Variants in ATXN2 observed in about 807,000 individuals in gnomAD.
The protein encoded by ATXN2 is ataxin 2.
In ATXN2, 37 loss-of-function variants were observed where a neutral mutation model predicts 138.6. The ratio of observed to expected loss-of-function variants is 0.27; its 90% CI spans 0.21 to 0.35. The LOEUF (loss-of-function observed/expected upper bound fraction) is 0.35, where lower values mean the gene tolerates loss of function less well. Ranked by LOEUF, ATXN2 falls within the 10% of genes least tolerant of loss-of-function variation. The probability of loss-of-function intolerance (pLI) is 1.00; values close to 1 mark genes in which losing one functional copy is unlikely to be tolerated. For missense variants in ATXN2, 1,216 were observed against 1,480.3 expected (o/e 0.82, Z 2.93); for synonymous variants, 549 against 543.7 (o/e 1.01, Z -0.13).
intron 1 of ATXN2, among the ~76,000 whole-genome samples, chr12:111,580,897 G>A (rs1883960067): frequency 6.6e-6 from 1 of 152,108 alleles, no homozygotes. Flanking sequence ...TCCCAGCACT[G>A]GGAGGCCGAG....
At chr12:111,462,953 TACAC>T (rs1489574519) in intron 21 of ATXN2, among the ~76,000 whole-genome samples, 1 of 140,248 alleles carries the variant, frequency 7.1e-6, no homozygotes, top group Non-Finnish European at 1.5e-5. Context: ...AAATTATATA[TACAC>T]ACATACATAT....
At chr12:111,498,017 AAAAC>A (rs1245311782) in intron 14 of ATXN2, among the ~76,000 whole-genome samples, 7 of 152,166 alleles carry the variant, frequency 4.6e-5, no homozygotes, top group Middle Eastern at 3.2e-3. Context: ...CTCCATCTCA[AAAAC>A]AAACAAACAA....
Position 111,473,526 on chromosome 12 carries a change from A to T in ATXN2, c.2525-2784T>A, listed in dbSNP as rs373328203. On this transcript the variant is annotated intron_variant, in intron 18 of 24. Transcript: ENST00000673436. ...GAAATATTCCAGGCAATAATTGAAG[A>T]AGGGATGAAAGGAAAAGAATGTCAC... Among the ~76,000 whole-genome samples the T allele has an allele frequency of 4.6e-5, 7 of 152,296 alleles. No homozygotes were observed. In the East Asian group the frequency reaches 1.2e-3, roughly 25 times the overall value.
intron 3 of ATXN2, among the ~76,000 whole-genome samples, chr12:111,553,272 T>C (rs1241506508): frequency 6.6e-6 from 1 of 152,120 alleles, no homozygotes; most frequent in East Asian, 1.9e-4. Flanking sequence ...TAACATTATT[T>C]TACACACACA....
chr12:111,507,158 C>G (rs1879185881), intron 14 of ATXN2, among the ~76,000 whole-genome samples: 1 of 151,268 alleles, frequency 6.6e-6, no homozygotes, highest in African/African-American at 2.4e-5. Flanking sequence ...CTCTGCCCGG[C>G]TGCCCAGTCT....
chr12:111,501,386 C>A (rs1878750259), intron 14 of ATXN2, among the ~76,000 whole-genome samples: 2 of 152,164 alleles, frequency 1.3e-5, no homozygotes. Context: ...ACCTAAGCCA[C>A]AGGTTAGGAC....
intron 18 of ATXN2, among the ~76,000 whole-genome samples, chr12:111,481,661 ATTTTATT>A (rs1566016430): frequency 2.0e-5 from 3 of 151,780 alleles, no homozygotes; most frequent in Admixed American, 6.6e-5. Flanking sequence ...ATGAAAAAAA[ATTTTATT>A]TTTTATTTTT....
chr12:111,545,991 GGAA>G (rs1881781629), intron 5 of ATXN2, among the ~76,000 whole-genome samples: 1 of 151,316 alleles, frequency 6.6e-6, no homozygotes, highest in African/African-American at 2.4e-5. Context: ...ATGGCACGGA[GGAA>G]GAAGATAAAT....
chr12:111,503,957 TA>T (rs1383276526), intron 14 of ATXN2, among the ~76,000 whole-genome samples: 5 of 152,178 alleles, frequency 3.3e-5, no homozygotes, highest in African/African-American at 1.2e-4. Context: ...GAGTTATTAG[TA>T]AGAGGCTAAA....
At chr12:111,569,942 C>T (rs1447921406) in intron 1 of ATXN2, among the ~76,000 whole-genome samples, 1 of 152,110 alleles carries the variant, frequency 6.6e-6, no homozygotes, top group East Asian at 1.9e-4. Context: ...TGAAGATGTC[C>T]TATGTCATGC....
intron 1 of ATXN2, among the ~76,000 whole-genome samples, chr12:111,587,140 T>C (rs1884392006): frequency 6.6e-6 from 1 of 151,264 alleles, no homozygotes; most frequent in Non-Finnish European, 1.5e-5. Context: ...AAAAGACATT[T>C]AGTCTTCAAT....
intron 18 of ATXN2, among the ~76,000 whole-genome samples, chr12:111,475,188 T>C (rs1876708789): frequency 1.3e-5 from 2 of 150,938 alleles, no homozygotes; most frequent in South Asian, 4.2e-4. Context: ...CACTCCAGCC[T>C]GGGCAACAGA....
Position 111,485,730 on chromosome 12 carries a change from C to T in ATXN2, c.2440G>A (p.Val814Met). The change falls in exon 17 of 25, where the codon GTG becomes ATG. Residue 814 changes from valine to methionine, a missense_variant. Coordinates refer to ENST00000673436, the MANE Select transcript of ATXN2 (RefSeq NM_001372574.1). Reference sequence around the variant, plus strand: ...TGACTTACTTGCACGCCTGGGCTCACTGGGACTGGATACATCATATTTGGT... The same window carrying T: ...TGACTTACTTGCACGCCTGGGCTCATTGGGACTGGATACATCATATTTGGT... ...FAPNMMYPVP[V>M]SPGVQPLYPI... The T allele has an allele frequency of 6.2e-7, 1 of 1,614,040 alleles. No homozygotes were observed. The highest frequency in any genetic ancestry group is 2.2e-5 in the East Asian group (1 of 44,880).
chr12:111,565,071 G>A (rs2135803937), intron 1 of ATXN2, among the ~76,000 whole-genome samples: 1 of 152,078 alleles, frequency 6.6e-6, no homozygotes. Context: ...TTATTTTCAT[G>A]AAGTTTTATG....
At chr12:111,454,548 C>T (rs1049659965) in intron 23 of ATXN2, 2 of 157,924 alleles carry the variant, frequency 1.3e-5, no homozygotes, top group African/African-American at 4.8e-5. Flanking sequence ...CAAGTTCAAC[C>T]TGGTCTCACT....
intron 2 of ATXN2, 24 bp downstream of exon 2, chr12:111,555,859 A>G (rs1430640315): frequency 6.3e-7 from 1 of 1,578,194 alleles, no homozygotes; most frequent in Non-Finnish European, 8.6e-7. Context: ...ATTTTCCCCA[A>G]TAAGTAACAT....
intron 22 of ATXN2, among the ~76,000 whole-genome samples, chr12:111,456,995 G>C (rs539128728): frequency 3.9e-5 from 6 of 152,058 alleles, no homozygotes; most frequent in Admixed American, 3.9e-4. Context: ...TGATCCACCC[G>C]CCTCGGCCTC....
chr12:111,455,162 A>G (rs1287172319), intron 23 of ATXN2: 5 of 702,214 alleles, frequency 7.1e-6, no homozygotes, highest in Non-Finnish European at 1.3e-5. Context: ...GGTCTCACTT[A>G]GACCCGCCTC....
At chr12:111,475,555 T>G (rs1460352031) in intron 18 of ATXN2, among the ~76,000 whole-genome samples, 1 of 143,716 alleles carries the variant, frequency 7.0e-6, no homozygotes, top group Non-Finnish European at 1.5e-5. Flanking sequence ...AGGTGCGCAA[T>G]CTCAACTCAA....
Sources: allele counts gnomAD v4.1 joint callset (sites outside exome capture counted in the v4.1 genomes callset), GRCh38; gene constraint gnomAD v4.1.1; transcripts MANE v1.5; gene names NCBI Gene and HGNC (gene_info 2026-07-23, HGNC 2026-07-21).